SASH1: variants seen among roughly 807,000 people sequenced by gnomAD.
SASH1 encodes the protein SAM and SH3 domain containing 1, also known as SAM and SH3 domain-containing protein 1.
Under a neutral mutation model 125.2 loss-of-function variants are expected in SASH1, and 44 were observed. That is an observed-to-expected ratio of 0.35 (90% CI 0.28 to 0.45). The LOEUF is 0.45. Among genes scored for constraint, SASH1 ranks in the 20% least tolerant of loss-of-function variants. The pLI, the probability that SASH1 is intolerant of heterozygous loss-of-function variation, is 1.00. For missense variants in SASH1, 1,426 were observed against 1,614.5 expected (o/e 0.88, Z 2.00); for synonymous variants, 639 against 649.1 (o/e 0.98, Z 0.24).
At chr6:148,258,531 G>A in the SASH1 span, among the ~76,000 whole-genome samples, 7 of 152,198 alleles carry the variant, frequency 4.6e-5, no homozygotes, top group African/African-American at 1.7e-4. Flanking sequence ...GTGGAACCAG[G>A]ATTCAAAGCT....
intron 1 of SASH1, among the ~76,000 whole-genome samples, chr6:148,345,491 T>C (rs1026751444): frequency 6.6e-6 from 1 of 152,194 alleles, no homozygotes; most frequent in African/African-American, 2.4e-5. Flanking sequence ...TCCTCTTGTT[T>C]ATCTGGGGTA....
chr6:148,355,437 A>G (rs1023556316), intron 1 of SASH1, among the ~76,000 whole-genome samples: 3 of 152,232 alleles, frequency 2.0e-5, no homozygotes, highest in African/African-American at 7.2e-5. Context: ...TGAGCATTAA[A>G]TAGGTGTCAA....
At chr6:148,317,583 T>G (rs1387142634) in intron 1 of SASH1, among the ~76,000 whole-genome samples, 1 of 152,116 alleles carries the variant, frequency 6.6e-6, no homozygotes, top group African/African-American at 2.4e-5. Flanking sequence ...TGCCACCACA[T>G]CCGGCTAATT....
chr6:148,235,219 G>A, the SASH1 span, among the ~76,000 whole-genome samples: 1 of 152,166 alleles, frequency 6.6e-6, no homozygotes, highest in Non-Finnish European at 1.5e-5. Flanking sequence ...TGTGTATGGT[G>A]GAGGTGGATG....
chr6:148,214,159 C>A, the SASH1 span, among the ~76,000 whole-genome samples: 1 of 152,160 alleles, frequency 6.6e-6, no homozygotes, highest in East Asian at 1.9e-4. Context: ...TTTTTTCTGA[C>A]AGGAGTATCC....
At chr6:148,330,935 G>A (rs1219799715) in intron 1 of SASH1, among the ~76,000 whole-genome samples, 2 of 152,190 alleles carry the variant, frequency 1.3e-5, no homozygotes, top group African/African-American at 4.8e-5. Context: ...ATAGCAGGAA[G>A]TGTGATTCTA....
At chr6:148,387,564 T>TTCTCTTTCTTTCTTTCTTTCTTTCTTTC (rs1783440496) in intron 1 of SASH1, among the ~76,000 whole-genome samples, 1 of 142,272 alleles carries the variant, frequency 7.0e-6, no homozygotes, top group African/African-American at 2.5e-5. Flanking sequence ...TTTCTTTCTT[T>TTCTCTTTCTTTCTTTCTTTCTTTCTTTC]TCTCTTTCTT....
At chr6:148,227,424 C>G in the SASH1 span, among the ~76,000 whole-genome samples, 1 of 152,308 alleles carries the variant, frequency 6.6e-6, no homozygotes, top group South Asian at 2.1e-4. Context: ...GTGGTGCAAT[C>G]TCAGCTCACT....
chr6:148,471,308 T>C, intron 5 of SASH1, 109 bp from the exon 6 acceptor site: 1 of 683,226 alleles, frequency 1.5e-6, no homozygotes, highest in Non-Finnish European at 2.5e-6. Flanking sequence ...GAAATCAAAG[T>C]ATTCCTACCA....
the SASH1 span, among the ~76,000 whole-genome samples, chr6:148,247,356 G>A: frequency 6.7e-4 from 102 of 152,270 alleles, no homozygotes; most frequent in African/African-American, 2.3e-3. Flanking sequence ...ATTAAGGTTC[G>A]ATGAAAGATC....
At chr6:148,485,681 T>C (rs1749046959) in intron 7 of SASH1, among the ~76,000 whole-genome samples, 1 of 152,204 alleles carries the variant, frequency 6.6e-6, no homozygotes. Context: ...TAATCAATAC[T>C]GCCTACCTCC....
intron 4 of SASH1, among the ~76,000 whole-genome samples, chr6:148,441,256 G>A (rs1356894633): frequency 6.6e-6 from 1 of 152,234 alleles, no homozygotes; most frequent in Non-Finnish European, 1.5e-5. Flanking sequence ...GTTGGGGAGA[G>A]CGTGTGTGTG....
chr6:148,440,196 G>T lies in SASH1; in HGVS notation c.298G>T (p.Ala100Ser), dbSNP rs1776485089. 1 of 1,613,866 alleles carries T rather than the reference G, an allele frequency of 6.2e-7. No individual in the cohort carries two copies. Among genetic ancestry groups the T allele is most frequent in the African/African-American group, 1.3e-5 (1 of 74,834 alleles). Residue 100 changes from alanine (A) to serine (S), a missense_variant, in exon 3 of 20, where the codon GCT (alanine) becomes TCT (serine). This residue lies in a region of SASH1 where 567 missense variants were observed against 575.6 expected (regional missense o/e 0.99). Transcript: ENST00000367467. ...SQDLEVEKPDASPTSLQLRSQ... is the reference protein window; with the variant it reads ...SQDLEVEKPDSSPTSLQLRSQ... ...TGTTCTGTTTTAGGAGAAACCCGAT[G>T]CTAGCCCCACGTCACTTCAGCTGCG...
chr6:148,330,985 A>T lies in SASH1; in HGVS notation n.74+58608A>T, dbSNP rs1780979532. ...CAGTGTTTCCTTTTTTTCTTCTCCT[A>T]AGTGTCGGGTGGCTTTCATATAATC... On this transcript the variant is annotated intron_variant and non_coding_transcript_variant, in intron 1 of 3. Coordinates refer to the SASH1 transcript ENST00000367469. Among the ~76,000 whole-genome samples, 3 of 152,048 alleles carry T rather than the reference A, an allele frequency of 2.0e-5. No homozygotes were observed. In the South Asian group the frequency reaches 6.2e-4, roughly 32 times the overall value.
At chr6:148,416,165 A>G (rs1237163405) in intron 2 of SASH1, among the ~76,000 whole-genome samples, 1 of 152,240 alleles carries the variant, frequency 6.6e-6, no homozygotes, top group African/African-American at 2.4e-5. Context: ...CTATATGGAC[A>G]TGACATCTGG....
intron 1 of SASH1, among the ~76,000 whole-genome samples, chr6:148,368,770 G>GCACGCGCACACACACACACACA (rs1554245333): frequency 2.4e-4 from 32 of 135,636 alleles, no homozygotes; most frequent in South Asian, 5.2e-4. Flanking sequence ...GCACGCGCGC[G>GCACGCGCACACACACACACACA]CACACACACA....
At chr6:148,435,881 G>C (rs995783290) in intron 2 of SASH1, among the ~76,000 whole-genome samples, 3 of 152,078 alleles carry the variant, frequency 2.0e-5, no homozygotes, top group African/African-American at 7.2e-5. Flanking sequence ...GATCATTGCA[G>C]CCTAATACAG....
intron 1 of SASH1, among the ~76,000 whole-genome samples, chr6:148,281,029 AC>A (rs1271944048): frequency 2.9e-5 from 4 of 135,790 alleles, no homozygotes; most frequent in Non-Finnish European, 6.2e-5. Flanking sequence ...CTGAACCTCC[AC>A]CTCCCGGGTT....
At chr6:148,317,224 C>T (rs1467466095) in intron 1 of SASH1, among the ~76,000 whole-genome samples, 1 of 152,154 alleles carries the variant, frequency 6.6e-6, no homozygotes, top group Admixed American at 6.5e-5. Context: ...CAAGAAATTC[C>T]AGTGGTCTCT....
Sources: allele counts gnomAD v4.1 joint callset (sites outside exome capture counted in the v4.1 genomes callset), GRCh38; gene constraint gnomAD v4.1.1; regional missense constraint gnomAD v4.1.1; transcripts MANE v1.5; gene names NCBI Gene and HGNC (gene_info 2026-07-23, HGNC 2026-07-21).